WDR70: variants seen among roughly 807,000 people sequenced by gnomAD.
WDR70 encodes WD repeat-containing protein 70.
WDR70 carries 53 observed loss-of-function variants against 88.6 expected under a neutral mutation model. That is an observed-to-expected ratio of 0.60 (90% CI 0.48 to 0.75). The LOEUF (loss-of-function observed/expected upper bound fraction) is 0.75. WDR70 is among the 30% of genes least tolerant of loss of function. The pLI, the probability that WDR70 is intolerant of heterozygous loss-of-function variation, is 0.00. For missense variants in WDR70, 610 were observed against 823.2 expected, an observed-to-expected ratio of 0.74 and a Z score of 3.17; for synonymous variants, 280 against 270.0, an observed-to-expected ratio of 1.04 and a Z score of -0.36.
intron 7 of WDR70, among the ~76,000 whole-genome samples, chr5:37,471,480 T>G (rs564540390): frequency 6.6e-6 from 1 of 151,960 alleles, no homozygotes; most frequent in South Asian, 2.1e-4. Flanking sequence ...AAATACCATT[T>G]AATAGATTTT....
intron 10 of WDR70, among the ~76,000 whole-genome samples, chr5:37,676,923 G>T (rs1746243064): frequency 6.6e-6 from 1 of 152,104 alleles, no homozygotes; most frequent in South Asian, 2.1e-4. Context: ...CCTGTTATTG[G>T]TCTATTGAGA....
At chr5:37,477,488 T>A (rs1455971285) in intron 7 of WDR70, among the ~76,000 whole-genome samples, 1 of 152,210 alleles carries the variant, frequency 6.6e-6, no homozygotes, top group African/African-American at 2.4e-5. Context: ...TCACCATAGT[T>A]GGCAGGTTGG....
intron 7 of WDR70, among the ~76,000 whole-genome samples, chr5:37,462,577 C>T (rs1007112091): frequency 3.3e-5 from 5 of 152,348 alleles, no homozygotes; most frequent in African/African-American, 1.2e-4. Context: ...GTTAGGATTA[C>T]AGGCGTGAGC....
intron 10 of WDR70, among the ~76,000 whole-genome samples, chr5:37,611,424 A>G (rs1002003037): frequency 6.6e-6 from 1 of 152,122 alleles, no homozygotes; most frequent in Admixed American, 6.6e-5. Context: ...GTTAGCAAGA[A>G]GGAAGAATTT....
chr5:37,676,831 C>A (rs1044164216), intron 10 of WDR70, among the ~76,000 whole-genome samples: 5 of 152,206 alleles, frequency 3.3e-5, no homozygotes, highest in Non-Finnish European at 5.9e-5. Context: ...CCTTCTACCT[C>A]TGGTAGAATT....
intron 9 of WDR70, among the ~76,000 whole-genome samples, chr5:37,582,980 G>A (rs2112429504): frequency 1.3e-5 from 2 of 152,332 alleles, no homozygotes; most frequent in Middle Eastern, 6.8e-3. Context: ...GTTGATCCTA[G>A]TAGTTCATAG....
At chr5:37,499,586 A>T (rs200935324) in intron 8 of WDR70, among the ~76,000 whole-genome samples, 1 of 58,664 alleles carries the variant, frequency 1.7e-5, no homozygotes, top group Non-Finnish European at 3.5e-5. Context: ...ATTTGGAAAT[A>T]TTCTCTCTCT....
intron 5 of WDR70, among the ~76,000 whole-genome samples, chr5:37,427,896 C>T (rs1479493773): frequency 1.2e-4 from 19 of 152,026 alleles, no homozygotes. Context: ...CATTTCCGAG[C>T]TTTTCCTGTT....
At chr5:37,543,992 G>A (rs1256870749) in intron 9 of WDR70, among the ~76,000 whole-genome samples, 1 of 152,072 alleles carries the variant, frequency 6.6e-6, no homozygotes, top group Non-Finnish European at 1.5e-5. Context: ...GTCTGGTCTC[G>A]AACTCCTGAC....
chr5:37,670,393 G>A (rs915846395), intron 10 of WDR70, among the ~76,000 whole-genome samples: 3 of 152,250 alleles, frequency 2.0e-5, no homozygotes, highest in African/African-American at 4.8e-5. Flanking sequence ...GGAGGTGTGA[G>A]AGGCTACATT....
intron 7 of WDR70, among the ~76,000 whole-genome samples, chr5:37,453,623 G>T (rs1369979597): frequency 6.6e-6 from 1 of 152,190 alleles, no homozygotes; most frequent in African/African-American, 2.4e-5. Flanking sequence ...TTTGTTTATG[G>T]CCAGTTTTGG....
chr5:37,597,578 T>C (rs964135555), intron 9 of WDR70, among the ~76,000 whole-genome samples: 1 of 152,232 alleles, frequency 6.6e-6, no homozygotes, highest in African/African-American at 2.4e-5. Flanking sequence ...TTTTTAGATA[T>C]TCTGGATACA....
At chr5:37,444,379 C>T (rs1223726099) in intron 7 of WDR70, among the ~76,000 whole-genome samples, 22 of 118,794 alleles carry the variant, frequency 1.9e-4, no homozygotes, top group African/African-American at 6.7e-4. Flanking sequence ...GGCTCTGTTG[C>T]CCAGGCTGGA....
At chr5:37,461,132 G>A (rs2112104195) in intron 7 of WDR70, among the ~76,000 whole-genome samples, 1 of 150,648 alleles carries the variant, frequency 6.6e-6, no homozygotes, top group East Asian at 1.9e-4. Flanking sequence ...AAAATAAAGG[G>A]TTGTGAAACA....
chr5:37,740,561 T>C (rs546009412), intron 17 of WDR70, among the ~76,000 whole-genome samples: 135 of 152,252 alleles, frequency 8.9e-4, no homozygotes, highest in Non-Finnish European at 1.7e-3. Flanking sequence ...GAATGTTGGT[T>C]TTGAGGGCAG....
At chr5:37,718,236 T>A (rs943665256) in intron 13 of WDR70, among the ~76,000 whole-genome samples, 3 of 152,148 alleles carry the variant, frequency 2.0e-5, no homozygotes, top group South Asian at 4.1e-4. Flanking sequence ...TGGAAAGCAA[T>A]TGGACCTTGG....
At chr5:37,578,959 A>T (rs1743134741) in intron 9 of WDR70, among the ~76,000 whole-genome samples, 1 of 152,162 alleles carries the variant, frequency 6.6e-6, no homozygotes, top group Non-Finnish European at 1.5e-5. Flanking sequence ...TGTAATTTTA[A>T]TCTTAATGTT....
chr5:37,413,964 G>GGA (rs1368761773), intron 5 of WDR70, among the ~76,000 whole-genome samples: 1 of 151,620 alleles, frequency 6.6e-6, no homozygotes, highest in African/African-American at 2.4e-5. Context: ...TGACCAACAC[G>GGA]GAGAAACCCT....
intron 8 of WDR70, among the ~76,000 whole-genome samples, chr5:37,491,415 G>C (rs565583386): frequency 6.6e-6 from 1 of 152,174 alleles, no homozygotes; most frequent in Non-Finnish European, 1.5e-5. Context: ...AGCTGATATT[G>C]TTCAGTGCCT....
Sources: gnomAD v4.1 joint callset for allele counts (sites outside exome capture counted in the v4.1 genomes callset) on GRCh38, gnomAD v4.1.1 for gene constraint, MANE v1.5 for transcripts, NCBI Gene and HGNC (gene_info 2026-07-23, HGNC 2026-07-21) for gene names.